VAV2: variants seen among roughly 807,000 people sequenced by gnomAD.
The protein encoded by VAV2 is guanine nucleotide exchange factor VAV2.
Under a neutral mutation model 132.5 loss-of-function variants are expected in VAV2, and 67 were observed. That is an observed-to-expected ratio of 0.51 (90% CI 0.42 to 0.62). VAV2 has a LOEUF of 0.62. VAV2 is among the 20% of genes least tolerant of loss of function. The pLI, the probability that VAV2 is intolerant of heterozygous loss-of-function variation, is 0.00. For synonymous variants in VAV2, 492 were observed against 443.5 expected (o/e 1.11, Z -1.37); for missense variants, 938 against 1,153.6 (o/e 0.81, Z 2.71).
chr9:133,991,819 A>G lies in VAV2; in HGVS notation c.204+256T>C, dbSNP rs1447359153. On this transcript the variant is annotated intron_variant, in intron 1 of 29. Coordinates refer to ENST00000371850, the MANE Select transcript of VAV2 (RefSeq NM_001134398.2). This position sits in a 1 kb window ranked among gnomAD's most constrained non-coding sequence, Gnocchi z 4.8. ...CATCCCAGGCCGCGCAGACCGCGGA[A>G]CCGGCGCACCAGAGCAGTGCCCGCG... is the stretch of plus-strand genomic sequence containing the variant. 6.6e-6 allele frequency among the ~76,000 whole-genome samples: 1 copy of G among 150,898 alleles called. No homozygotes were observed. The highest frequency in any genetic ancestry group is 2.0e-4 in the East Asian group (1 of 5,120).
rs188771022 is a variant in VAV2 at position 133,897,050 on chromosome 9, T to C, written c.322-35618A>G. Among the ~76,000 whole-genome samples the C allele has an allele frequency of 3.2e-4, 48 of 152,110 alleles. No individual in the cohort carries two copies. In the East Asian group the frequency reaches 5.8e-3, roughly 18 times the overall value. ...CGGAGCTTGCAGTGAGCCGACATCGTGCCACTGCACTCCAGCCTGGGCGAC... is the reference window on the plus strand; with the variant it reads ...CGGAGCTTGCAGTGAGCCGACATCGCGCCACTGCACTCCAGCCTGGGCGAC... On this transcript the variant is annotated intron_variant, in intron 2 of 29. Coordinates refer to ENST00000371850, the MANE Select transcript of VAV2 (RefSeq NM_001134398.2).
intron 4 of VAV2, among the ~76,000 whole-genome samples, chr9:133,820,785 G>A (rs1588221696): frequency 1.3e-5 from 2 of 152,166 alleles, no homozygotes; most frequent in East Asian, 3.9e-4. Flanking sequence ...GCTGGAGGAG[G>A]GGTATACTAT....
chr9:133,940,723 G>C (rs1047920990), intron 1 of VAV2, among the ~76,000 whole-genome samples: 1 of 147,366 alleles, frequency 6.8e-6, no homozygotes, highest in Non-Finnish European at 1.5e-5. Flanking sequence ...GAACACTCGA[G>C]ATTAACTACA....
intron 3 of VAV2, among the ~76,000 whole-genome samples, chr9:133,843,050 CA>C (rs1199739715): frequency 1.3e-5 from 2 of 152,196 alleles, no homozygotes; most frequent in Non-Finnish European, 2.9e-5. Context: ...AAAACAAGCC[CA>C]GGGATCACGT....
At chr9:133,775,866 G>C (rs572648068) in intron 24 of VAV2, among the ~76,000 whole-genome samples, 162 bp downstream of exon 24, 6 of 152,352 alleles carry the variant, frequency 3.9e-5, no homozygotes, top group Non-Finnish European at 8.8e-5. Context: ...GAGGGAGAAG[G>C]CATTTGGGAG....
chr9:133,892,537 G>A (rs2131981266), intron 2 of VAV2, among the ~76,000 whole-genome samples: 1 of 152,170 alleles, frequency 6.6e-6, no homozygotes, highest in East Asian at 1.9e-4. Context: ...AAATCAATCT[G>A]CATCAATCCC....
intron 2 of VAV2, among the ~76,000 whole-genome samples, chr9:133,913,096 T>C (rs961836590): frequency 1.3e-5 from 2 of 152,128 alleles, no homozygotes; most frequent in Non-Finnish European, 1.5e-5. Flanking sequence ...GTGGAGCCCT[T>C]TGCCCCCTCT....
intron 3 of VAV2, among the ~76,000 whole-genome samples, chr9:133,844,046 C>G (rs943970615): frequency 2.0e-5 from 3 of 152,038 alleles, no homozygotes; most frequent in African/African-American, 7.3e-5. Context: ...CCCAATCCAG[C>G]GAGGCTGTTT....
intron 9 of VAV2, among the ~76,000 whole-genome samples, chr9:133,800,013 G>C (rs1834870739): frequency 6.6e-6 from 1 of 152,220 alleles, no homozygotes; most frequent in African/African-American, 2.4e-5. Context: ...TTGGTGCCAG[G>C]ACCTGGGCTG....
At chr9:133,934,797 C>T (rs1438749450) in intron 2 of VAV2, among the ~76,000 whole-genome samples, 9 of 152,212 alleles carry the variant, frequency 5.9e-5, no homozygotes, top group South Asian at 2.1e-4. Flanking sequence ...CCTCCACAGT[C>T]GCGAGAGCCG....
intron 1 of VAV2, among the ~76,000 whole-genome samples, chr9:133,966,082 CAG>C (rs1842131651): frequency 6.6e-6 from 1 of 152,128 alleles, no homozygotes; most frequent in Admixed American, 6.6e-5. Flanking sequence ...TATCCATATG[CAG>C]AAAAATGAAA....
chr9:133,884,616 A>G lies in VAV2; in HGVS notation c.322-23184T>C, dbSNP rs1246140459. On this transcript the variant is annotated intron_variant, in intron 2 of 29. Transcript: ENST00000371850. The surrounding 1 kb of genome is among the most constrained non-coding windows in gnomAD (Gnocchi z 5.3). ...AACATCAGCAAGCTGACCGCTTGGCACAGCTGCCTTTTTCTATATGCATAA... is the reference window on the plus strand; with the variant it reads ...AACATCAGCAAGCTGACCGCTTGGCGCAGCTGCCTTTTTCTATATGCATAA... Among the ~76,000 whole-genome samples, 1 of 152,208 alleles carries G rather than the reference A, an allele frequency of 6.6e-6. No homozygotes were observed. Among genetic ancestry groups the G allele is most frequent in the Non-Finnish European group, 1.5e-5 (1 of 68,042 alleles).
At chr9:133,872,222 G>T (rs1230759371) in intron 2 of VAV2, among the ~76,000 whole-genome samples, 1 of 149,652 alleles carries the variant, frequency 6.7e-6, no homozygotes. Context: ...ACCCCAAGAG[G>T]GAAGAGAAGA....
chr9:133,974,919 TG>T (rs1369227358), intron 1 of VAV2, among the ~76,000 whole-genome samples: 1 of 151,686 alleles, frequency 6.6e-6, no homozygotes, highest in African/African-American at 2.4e-5. Context: ...CCTCAAGGTC[TG>T]TACCTTGTGG....
In VAV2 at chr9:133,833,013, C is replaced by T. The variant is rs1205628947; in HGVS notation, c.449+1259G>A. ...AACCCTCAGACCCACGTGGGGCCGA[C>T]CGGATGTCCAGAGGAGCTCTGGGAG... On this transcript the variant is annotated intron_variant, in intron 4 of 29. Transcript: ENST00000371850. This position sits in a 1 kb window ranked among gnomAD's most constrained non-coding sequence, Gnocchi z 5.6. 6.6e-6 allele frequency among the ~76,000 whole-genome samples: 1 copy of T among 152,134 alleles called. No individual in the cohort carries two copies. The highest frequency in any genetic ancestry group is 1.9e-4 in the East Asian group (1 of 5,172).
intron 3 of VAV2, among the ~76,000 whole-genome samples, chr9:133,843,737 C>G (rs1417017839): frequency 6.6e-6 from 1 of 152,222 alleles, no homozygotes; most frequent in East Asian, 1.9e-4. Context: ...TAGATGAAGA[C>G]TCAAGTGCCA....
intron 1 of VAV2, among the ~76,000 whole-genome samples, chr9:133,986,973 T>C (rs983658072): frequency 4.6e-5 from 7 of 151,748 alleles, no homozygotes; most frequent in Non-Finnish European, 1.5e-5. Flanking sequence ...AAAGCCTGCG[T>C]GGCACACAGC....
rs1470616322 is a variant in VAV2, at chr9:133,823,678, T to A, written c.449+10594A>T. Among the ~76,000 whole-genome samples the A allele has an allele frequency of 6.6e-6, 1 of 152,284 alleles. No homozygotes were observed. Among genetic ancestry groups the A allele is most frequent in the East Asian group, 1.9e-4 (1 of 5,178 alleles). On this transcript the variant is annotated intron_variant, in intron 4 of 29. Coordinates refer to ENST00000371850, the MANE Select transcript of VAV2 (RefSeq NM_001134398.2). This position sits in a 1 kb window ranked among gnomAD's most constrained non-coding sequence, Gnocchi z 5.5. ...GGCCGAAGCCCAGCTGCCTACTCCT[T>A]CCTGGAAAATGGCAAGATGAATGCG...
intron 2 of VAV2, among the ~76,000 whole-genome samples, chr9:133,876,045 C>T (rs933233820): frequency 6.6e-6 from 1 of 152,376 alleles, no homozygotes; most frequent in Non-Finnish European, 1.5e-5. Context: ...GGCCTTTGGG[C>T]TCAGACTGGG....
Sources: allele counts gnomAD v4.1 joint callset (sites outside exome capture counted in the v4.1 genomes callset), GRCh38; gene constraint gnomAD v4.1.1; non-coding constraint Gnocchi (gnomAD v3.1); transcripts MANE v1.5; gene names NCBI Gene and HGNC (gene_info 2026-07-23, HGNC 2026-07-21).